Variants in LARGE1 observed in about 807,000 individuals in gnomAD.
The protein encoded by LARGE1 is LARGE xylosyl- and glucuronyltransferase 1, also known as xylosyl- and glucuronyltransferase LARGE1.
A neutral mutation model predicts 87.6 loss-of-function variants in LARGE1; 43 were observed. The ratio of observed to expected loss-of-function variants is 0.49; its 90% CI spans 0.38 to 0.63. LARGE1 has a LOEUF of 0.63. Ranked by LOEUF, LARGE1 falls within the 30% of genes least tolerant of loss-of-function variation. LARGE1 has a pLI of 0.00. For missense variants in LARGE1, 802 were observed against 1,000.2 expected (o/e 0.80, Z 2.67); for synonymous variants, 434 against 394.6 (o/e 1.10, Z -1.18).
At chr22:33,696,127 A>G (rs920535043) in intron 2 of LARGE1, among the ~76,000 whole-genome samples, 1 of 152,066 alleles carries the variant, frequency 6.6e-6, no homozygotes, top group South Asian at 2.1e-4. Context: ...TTATTTATCT[A>G]TTCTCTCAGT....
rs34406131 is a variant in LARGE1, at chr22:33,766,913, C to CATAT, written c.-82-5359_-82-5356dup. On this transcript the variant is annotated intron_variant, in intron 1 of 14. Transcript: ENST00000397394. ...AGAATATGACTAATTTAAACATATA[C>CATAT]ATATATATATATATATATATATATA... Among the ~76,000 whole-genome samples, 166 of 111,658 alleles carry CATAT rather than the reference C, an allele frequency of 1.5e-3. 3 individuals carry two copies. Among genetic ancestry groups the CATAT allele is most frequent in the Middle Eastern group, 4.8e-3 (1 of 210 alleles). The allele number at this position is 111,658 out of a possible 152,430, so 73.3% of individuals were successfully genotyped here. A position where few individuals can be genotyped will look rare whatever the true frequency, so the allele number is the denominator to read the frequency against.
chr22:33,753,455 C>T (rs568273712), intron 2 of LARGE1, among the ~76,000 whole-genome samples: 1 of 152,248 alleles, frequency 6.6e-6, no homozygotes, highest in African/African-American at 2.4e-5. Context: ...ACAGAAGGAA[C>T]CAGCCTTGCC....
At chr22:33,804,771 C>T (rs1290065192) in intron 1 of LARGE1, among the ~76,000 whole-genome samples, 1 of 152,170 alleles carries the variant, frequency 6.6e-6, no homozygotes, top group Non-Finnish European at 1.5e-5. Flanking sequence ...TTTTATTTTT[C>T]CAGAGCATGC....
At chr22:33,564,044 T>C (rs934473073) in intron 6 of LARGE1, among the ~76,000 whole-genome samples, 2 of 152,180 alleles carry the variant, frequency 1.3e-5, no homozygotes, top group African/African-American at 4.8e-5. Flanking sequence ...CTAAGAGGAA[T>C]GGCAGAAGGG....
chr22:33,449,003 A>T (rs2067803889), intron 6 of LARGE1, among the ~76,000 whole-genome samples: 1 of 152,222 alleles, frequency 6.6e-6, no homozygotes, highest in Non-Finnish European at 1.5e-5. Context: ...ATAATCTTAT[A>T]GCACGTAGTT....
intron 2 of LARGE1, among the ~76,000 whole-genome samples, chr22:33,695,804 T>C (rs2082225633): frequency 6.6e-6 from 1 of 152,196 alleles, no homozygotes; most frequent in African/African-American, 2.4e-5. Context: ...CAATGCATAC[T>C]CCTATGTAAC....
At chr22:33,620,597 C>G (rs914843980) in intron 4 of LARGE1, among the ~76,000 whole-genome samples, 6 of 152,138 alleles carry the variant, frequency 3.9e-5, no homozygotes, top group Non-Finnish European at 7.4e-5. Context: ...CATGCTGACA[C>G]AACCAAAAAT....
chr22:33,265,196 T>A lies in LARGE1; in HGVS notation c.1730+39033A>T, dbSNP rs546847836. Among the ~76,000 whole-genome samples the A allele has an allele frequency of 3.9e-5, 6 of 152,268 alleles. No individual in the cohort carries two copies. The South Asian group carries it at 1.0e-3, about 26-fold the overall frequency. ...CTGGGATTACAGGCGTAAACCACCA[T>A]GTCTGGCCTGATCAAATTCTTTATA... On this transcript the variant is annotated intron_variant, in intron 11 of 11. Coordinates refer to the LARGE1 transcript ENST00000608642.
chr22:33,209,790 C>G (rs994889204), intron 11 of LARGE1, among the ~76,000 whole-genome samples: 4 of 152,110 alleles, frequency 2.6e-5, no homozygotes, highest in Non-Finnish European at 4.4e-5. Context: ...GGACTACAGG[C>G]GTGCACCACC....
chr22:33,367,020 C>G (rs1165432365), intron 9 of LARGE1, among the ~76,000 whole-genome samples: 1 of 152,110 alleles, frequency 6.6e-6, no homozygotes, highest in Non-Finnish European at 1.5e-5. Flanking sequence ...AAACTTTATA[C>G]TTTTTTCTTA....
At chr22:33,533,890 T>G (rs1042380375) in intron 6 of LARGE1, among the ~76,000 whole-genome samples, 7 of 133,602 alleles carry the variant, frequency 5.2e-5, no homozygotes, top group Admixed American at 2.1e-4. Flanking sequence ...TAATTTCAGG[T>G]TTTTTTTTTT....
chr22:33,241,329 T>G (rs2145686882), intron 11 of LARGE1, among the ~76,000 whole-genome samples: 1 of 152,240 alleles, frequency 6.6e-6, no homozygotes, highest in East Asian at 1.9e-4. Flanking sequence ...TCTTCAAGGC[T>G]GGTTGAGTCC....
intron 1 of LARGE1, among the ~76,000 whole-genome samples, chr22:33,799,189 C>G (rs926567314): frequency 6.6e-6 from 1 of 152,000 alleles, no homozygotes; most frequent in Non-Finnish European, 1.5e-5. Context: ...GGTGGAGTAT[C>G]ACGCCAAAGA....
the LARGE1 span, among the ~76,000 whole-genome samples, chr22:33,147,474 T>C: frequency 6.6e-6 from 1 of 152,222 alleles, no homozygotes; most frequent in Non-Finnish European, 1.5e-5. Flanking sequence ...TACGTTTTAG[T>C]TTATTTTCTC....
intron 9 of LARGE1, among the ~76,000 whole-genome samples, chr22:33,362,912 G>A (rs908627496): frequency 6.7e-6 from 1 of 150,042 alleles, no homozygotes; most frequent in Non-Finnish European, 1.5e-5. Context: ...AAAGGACACC[G>A]ATAACCACAG....
chr22:33,748,451 C>G (rs957044458), intron 2 of LARGE1, among the ~76,000 whole-genome samples: 1 of 152,250 alleles, frequency 6.6e-6, no homozygotes, highest in South Asian at 2.1e-4. Context: ...CTGTTGCTTC[C>G]AGAAGTACAG....
chr22:33,462,876 T>G (rs1569185317), intron 6 of LARGE1, among the ~76,000 whole-genome samples: 1 of 152,192 alleles, frequency 6.6e-6, no homozygotes, highest in Non-Finnish European at 1.5e-5. Flanking sequence ...AGCAAACTTT[T>G]AAAATAACAA....
intron 1 of LARGE1, among the ~76,000 whole-genome samples, chr22:33,877,170 A>T (rs1033581836): frequency 1.1e-4 from 16 of 152,142 alleles, no homozygotes; most frequent in Non-Finnish European, 2.1e-4. Flanking sequence ...GTCCCTTTTT[A>T]AAAAAAGCTG....
At chr22:33,360,068 C>T (rs1481989937) in intron 9 of LARGE1, among the ~76,000 whole-genome samples, 1 of 149,794 alleles carries the variant, frequency 6.7e-6, no homozygotes, top group Non-Finnish European at 1.5e-5. Context: ...AATCCCTGCA[C>T]TTTGGGAGAC....
Sources: gnomAD v4.1 joint callset for allele counts (sites outside exome capture counted in the v4.1 genomes callset) on GRCh38, gnomAD v4.1.1 for gene constraint, MANE v1.5 for transcripts, NCBI Gene and HGNC (gene_info 2026-07-23, HGNC 2026-07-21) for gene names.